KCNMA1: variants seen among roughly 807,000 people sequenced by gnomAD.
The protein encoded by KCNMA1 is Calcium-activated potassium channel subunit alpha-1.
KCNMA1 carries 29 observed loss-of-function variants against 140.0 expected under a neutral mutation model. That is an observed-to-expected ratio of 0.21 (90% CI 0.15 to 0.28). The LOEUF (loss-of-function observed/expected upper bound fraction) is 0.28. KCNMA1 is among the 10% of genes least tolerant of loss of function. KCNMA1 has a pLI of 1.00. For missense variants in KCNMA1, 880 were observed against 1,602.2 expected (o/e 0.55, Z 7.70); for synonymous variants, 612 against 611.9 (o/e 1.00, Z 0.00).
At chr10:76,960,628 T>TG (rs1009255911) in intron 20 of KCNMA1, among the ~76,000 whole-genome samples, 2 of 147,624 alleles carry the variant, frequency 1.4e-5, no homozygotes, top group African/African-American at 5.0e-5. Context: ...GTTTTTTTTT[T>TG]TTTTTTTTTT....
At chr10:77,086,327 A>G (rs1659007042) in intron 11 of KCNMA1, among the ~76,000 whole-genome samples, 161 bp downstream of exon 11, 1 of 152,144 alleles carries the variant, frequency 6.6e-6, no homozygotes, top group Admixed American at 6.5e-5. Context: ...GACCAGTGGA[A>G]GGGTGACCTC....
chr10:76,941,298 C>T (rs1488532150), intron 23 of KCNMA1, among the ~76,000 whole-genome samples: 2 of 152,264 alleles, frequency 1.3e-5, no homozygotes, highest in East Asian at 3.9e-4. Flanking sequence ...ATGCCAAATG[C>T]CCAGATGAAG....
At chr10:77,342,980 T>C (rs1207145239) in intron 2 of KCNMA1, among the ~76,000 whole-genome samples, 1 of 152,136 alleles carries the variant, frequency 6.6e-6, no homozygotes, top group Non-Finnish European at 1.5e-5. Context: ...AGCTTTGACC[T>C]TGAGAAAGAA....
At chr10:77,093,770 G>A (rs775243014) in intron 9 of KCNMA1, among the ~76,000 whole-genome samples, 2 of 152,298 alleles carry the variant, frequency 1.3e-5, no homozygotes, top group South Asian at 4.1e-4. Context: ...AGACAGCAGG[G>A]TGTGACCTCA....
chr10:77,385,337 C>G (rs1238280478), intron 2 of KCNMA1, among the ~76,000 whole-genome samples: 1 of 152,240 alleles, frequency 6.6e-6, no homozygotes, highest in Non-Finnish European at 1.5e-5. Flanking sequence ...GTTTCTGACT[C>G]TCAGTGAACT....
At chr10:77,356,773 T>C (rs1320360914) in intron 2 of KCNMA1, among the ~76,000 whole-genome samples, 2 of 152,168 alleles carry the variant, frequency 1.3e-5, no homozygotes, top group Admixed American at 6.5e-5. Flanking sequence ...GTTTTAAGAA[T>C]GCGCCCACCT....
At chr10:77,505,305 C>G (rs1414136303) in intron 1 of KCNMA1, among the ~76,000 whole-genome samples, 5 of 152,244 alleles carry the variant, frequency 3.3e-5, no homozygotes, top group Admixed American at 3.3e-4. Context: ...CTTGGTCACT[C>G]TTCATTTATT....
intron 19 of KCNMA1, among the ~76,000 whole-genome samples, chr10:76,972,657 A>T (rs1193789019): frequency 6.6e-6 from 1 of 152,224 alleles, no homozygotes; most frequent in Non-Finnish European, 1.5e-5. Context: ...CATCGTAATC[A>T]TACTGCATTT....
At chr10:76,927,522 A>G (rs1381937687) in intron 23 of KCNMA1, among the ~76,000 whole-genome samples, 1 of 152,250 alleles carries the variant, frequency 6.6e-6, no homozygotes, top group East Asian at 1.9e-4. Flanking sequence ...TTTAATTTAA[A>G]GAGTAATTAA....
At chr10:77,200,944 C>A (rs896290610) in intron 3 of KCNMA1, among the ~76,000 whole-genome samples, 1 of 152,182 alleles carries the variant, frequency 6.6e-6, no homozygotes, top group Non-Finnish European at 1.5e-5. Flanking sequence ...AACTTAACTG[C>A]CTTTTAAGTG....
chr10:77,274,791 G>A (rs2066160392), intron 2 of KCNMA1, among the ~76,000 whole-genome samples: 1 of 152,224 alleles, frequency 6.6e-6, no homozygotes, highest in African/African-American at 2.4e-5. Context: ...CAGAGGAAAT[G>A]GAGTAAGTTT....
At chr10:77,223,539 G>A (rs1281788747) in intron 3 of KCNMA1, among the ~76,000 whole-genome samples, 1 of 152,222 alleles carries the variant, frequency 6.6e-6, no homozygotes, top group Non-Finnish European at 1.5e-5. Flanking sequence ...ATGGGATACA[G>A]TCTTGATTGG....
intron 1 of KCNMA1, among the ~76,000 whole-genome samples, chr10:77,577,767 C>T (rs2074661461): frequency 1.3e-5 from 2 of 152,202 alleles, no homozygotes; most frequent in South Asian, 2.1e-4. Context: ...TGAACTCTGA[C>T]AGTCTGGTTT....
Position 77,597,689 on chromosome 10 carries a change from T to C in KCNMA1, c.378+39576A>G, listed in dbSNP as rs150240244. Among the ~76,000 whole-genome samples, 355 of 152,234 alleles carry C rather than the reference T, an allele frequency of 2.3e-3. 7 individuals carry two copies. In the South Asian group the frequency reaches 0.025, roughly 11 times the overall value. The stretch of plus-strand genomic sequence containing the variant: ...ACTTCATTTCCTGCCTTTATTCCTG[T>C]CACATGCTCTGCTCTGTCCCATTGA... On this transcript the variant is annotated intron_variant, in intron 1 of 27. Transcript: ENST00000286628.
chr10:77,378,344 C>T (rs1240237148), intron 2 of KCNMA1, among the ~76,000 whole-genome samples: 1 of 152,222 alleles, frequency 6.6e-6, no homozygotes, highest in East Asian at 1.9e-4. Flanking sequence ...GGAGCAAAGG[C>T]TCAGCTAGGA....
At chr10:77,277,033 T>A (rs1225719731) in intron 2 of KCNMA1, among the ~76,000 whole-genome samples, 2 of 152,118 alleles carry the variant, frequency 1.3e-5, no homozygotes, top group African/African-American at 4.8e-5. Flanking sequence ...CTCCCACACC[T>A]TCCTGAGATG....
chr10:77,112,730 C>G (rs1201043367), intron 6 of KCNMA1, among the ~76,000 whole-genome samples: 1 of 152,170 alleles, frequency 6.6e-6, no homozygotes, highest in African/African-American at 2.4e-5. Flanking sequence ...CTTGTACGCT[C>G]TTCATTTAGA....
At chr10:77,201,499 C>T (rs1565179340) in intron 3 of KCNMA1, among the ~76,000 whole-genome samples, 1 of 152,176 alleles carries the variant, frequency 6.6e-6, no homozygotes, top group Admixed American at 6.5e-5. Flanking sequence ...GCACAGCAGA[C>T]ACTCAGGGAG....
At chr10:76,999,462 T>C (rs2085472871) in intron 19 of KCNMA1, among the ~76,000 whole-genome samples, 1 of 152,178 alleles carries the variant, frequency 6.6e-6, no homozygotes, top group African/African-American at 2.4e-5. Context: ...TTGTGGTTAC[T>C]TTCACCACCA....
Sources: allele counts gnomAD v4.1 joint callset (sites outside exome capture counted in the v4.1 genomes callset), GRCh38; gene constraint gnomAD v4.1.1; transcripts MANE v1.5; gene names NCBI Gene and HGNC (gene_info 2026-07-23, HGNC 2026-07-21).